CDKL5: variants seen among roughly 807,000 people sequenced by gnomAD.
The protein encoded by CDKL5 is cyclin dependent kinase like 5.
In CDKL5, 8 loss-of-function variants were observed where a neutral mutation model predicts 61.7. The ratio of observed to expected loss-of-function variants is 0.13; its 90% confidence interval spans 0.08 to 0.23. The LOEUF (loss-of-function observed/expected upper bound fraction) is 0.23, where lower values mean the gene tolerates loss of function less well. Among genes scored for constraint, CDKL5 ranks in the 10% least tolerant of loss-of-function variants. The probability of loss-of-function intolerance (pLI) is 1.00; values close to 1 mark genes in which losing one functional copy is unlikely to be tolerated. For synonymous variants in CDKL5, 275 were observed against 272.3 expected (o/e 1.01, Z -0.10); for missense variants, 440 against 734.5 (o/e 0.60, Z 4.63).
rs147819758 is a variant in CDKL5 at position 18,608,991 on chromosome X, G to A, written c.2046+79G>A. 9.4e-3 allele frequency: 6,297 copies of A among 672,225 alleles called. 93 individuals are homozygous for A. The highest frequency in any genetic ancestry group is 0.061 in the African/African-American group (2,846 of 47,038). The allele number at this position is 672,225 out of a possible 1,213,427, so 55.4% of individuals were successfully genotyped here. A position where few individuals can be genotyped will look rare whatever the true frequency, so the allele number is the denominator to read the frequency against. ...AGCTTTTAAAATGTATTAATACCCA[G>A]TCTCCCACAAATAAGTTGAAGTGGC... On this transcript the variant is annotated intron_variant, in intron 13 of 17. Coordinates refer to ENST00000623535, the MANE Select transcript of CDKL5 (RefSeq NM_001323289.2).
At chrX:18,606,275 T>A (rs1224098880) in intron 12 of CDKL5, among the ~76,000 whole-genome samples, 1 of 111,223 alleles carries the variant, frequency 9.0e-6, no homozygotes, top group Non-Finnish European at 1.9e-5. Context: ...GAACTGAGAA[T>A]AGAGAGAGGT....
At chrX:18,574,317 T>C (rs935731990) in intron 4 of CDKL5, among the ~76,000 whole-genome samples, 17 of 111,710 alleles carry the variant, frequency 1.5e-4, no homozygotes, top group African/African-American at 5.5e-4. Context: ...AAAGACTTTA[T>C]GTAGTCTCCT....
intron 1 of CDKL5, among the ~76,000 whole-genome samples, chrX:18,428,020 C>T (rs1182801198): frequency 8.9e-6 from 1 of 111,833 alleles, no homozygotes; most frequent in East Asian, 2.8e-4. Context: ...AGAAGGTTGA[C>T]TGATTGCGAA....
At chrX:18,546,258 CTTTT>C (rs935420091) in intron 3 of CDKL5, among the ~76,000 whole-genome samples, 1 of 90,519 alleles carries the variant, frequency 1.1e-5, no homozygotes. Flanking sequence ...TCTACTTCTT[CTTTT>C]TTTTTTTTTT....
At position 18,427,637 on chromosome X, in the gene CDKL5, A is replaced by G. The variant is rs574888001; in HGVS notation, c.-163+1942A>G. On this transcript the variant is annotated intron_variant, in intron 1 of 17. Transcript: ENST00000623535. ...AGCGATTAATTTGCTAGATGTATAT[A>G]TATCAAACAGTTGAGTATTCCAGTT... Among the ~76,000 whole-genome samples the G allele has an allele frequency of 6.3e-5, 7 of 111,629 alleles. No homozygotes were observed. The Middle Eastern group carries it at 0.014, about 221-fold the overall frequency.
intron 5 of CDKL5, among the ~76,000 whole-genome samples, chrX:18,575,784 G>T (rs1291759438): frequency 8.9e-6 from 1 of 112,137 alleles, no homozygotes; most frequent in East Asian, 2.8e-4. Flanking sequence ...ACTTAACTAA[G>T]CCTAAACTGA....
chrX:18,649,793 G>A (rs1354929467), intron 20 of CDKL5, among the ~76,000 whole-genome samples: 1 of 111,956 alleles, frequency 8.9e-6, no homozygotes, highest in Non-Finnish European at 1.9e-5. Context: ...CTGCGGACTC[G>A]AGGGCTCCTC....
At chrX:18,453,870 G>C (rs780526045) in intron 1 of CDKL5, among the ~76,000 whole-genome samples, 1 of 112,266 alleles carries the variant, frequency 8.9e-6, no homozygotes, top group East Asian at 2.8e-4. Context: ...ACTCTGCAGT[G>C]ATTTATTGAG....
At chrX:18,650,189 G>A in intron 20 of CDKL5, 1 of 465,173 alleles carries the variant, frequency 2.1e-6, no homozygotes, top group Non-Finnish European at 3.8e-6. Flanking sequence ...ACCTGGCCAG[G>A]GCCAATGGCC....
intron 1 of CDKL5, among the ~76,000 whole-genome samples, chrX:18,475,357 C>T (rs1329700953): frequency 9.0e-6 from 1 of 110,909 alleles, no homozygotes; most frequent in East Asian, 2.8e-4. Context: ...TGTAGTGGCA[C>T]AATCACGGCT....
intron 8 of CDKL5, among the ~76,000 whole-genome samples, chrX:18,586,575 T>G (rs979384887): frequency 8.9e-6 from 1 of 112,124 alleles, no homozygotes; most frequent in African/African-American, 3.2e-5. Flanking sequence ...AGTGCTGAAA[T>G]GAATATTGCT....
At chrX:18,451,712 A>C (rs1231261267) in intron 1 of CDKL5, among the ~76,000 whole-genome samples, 2 of 108,495 alleles carry the variant, frequency 1.8e-5, no homozygotes, top group African/African-American at 6.7e-5. Context: ...TAATTTTTGT[A>C]ATTTTTGGTA....
At chrX:18,571,394 T>G (rs1925131248) in intron 4 of CDKL5, among the ~76,000 whole-genome samples, 1 of 111,110 alleles carries the variant, frequency 9.0e-6, no homozygotes, top group South Asian at 3.8e-4. Flanking sequence ...AGTTATCCTT[T>G]CTAGACTTGA....
intron 20 of CDKL5, chrX:18,646,105 C>T: frequency 8.3e-7 from 1 of 1,211,721 alleles, no homozygotes; most frequent in South Asian, 1.8e-5. Context: ...AGTCTGGGCC[C>T]CGCATGCCAT....
intron 3 of CDKL5, among the ~76,000 whole-genome samples, chrX:18,518,309 T>A (rs1453410811): frequency 1.8e-4 from 18 of 99,844 alleles, no homozygotes; most frequent in Non-Finnish European, 3.2e-4. Context: ...CAAAAAAAAA[T>A]AAGATGTAAT....
chrX:18,444,455 T>C (rs1931826962), intron 1 of CDKL5, among the ~76,000 whole-genome samples: 1 of 111,225 alleles, frequency 9.0e-6, no homozygotes, highest in African/African-American at 3.3e-5. Context: ...TTTATACAAA[T>C]ATACAAATAT....
chrX:18,474,156 G>A (rs1305097056), intron 1 of CDKL5, among the ~76,000 whole-genome samples: 1 of 111,233 alleles, frequency 9.0e-6, no homozygotes. Flanking sequence ...CTGAGCCACC[G>A]TGCCTGGCCC....
At chrX:18,644,689 G>A (rs1927711943), downstream of CDKL5, 4 of 1,115,204 alleles carry the variant, frequency 3.6e-6, no homozygotes, top group Non-Finnish European at 4.9e-6. Flanking sequence ...AAGCCCGCAG[G>A]TGCTGGCTCT....
Position 18,613,258 on chromosome X carries a change from A to G in CDKL5, c.2259A>G (p.Gln753=). 1 of 1,201,892 alleles carries G rather than the reference A, an allele frequency of 8.3e-7. No individual in the cohort carries two copies. The highest frequency in any genetic ancestry group is 1.1e-6 in the Non-Finnish European group (1 of 889,158). The change falls in exon 15 of 18, where the codon CAA becomes CAG. Residue 753 remains glutamine (Q), a synonymous_variant. Transcript: ENST00000623535. ...SSSGTNHSKR[Q]PAFDPWKSPE... ...CTGGAACCAACCACTCAAAAAGACA[A>G]CCAGCATTCGATCCATGGTGAGCAT...
Sources: gnomAD v4.1 joint callset for allele counts (sites outside exome capture counted in the v4.1 genomes callset) on GRCh38, gnomAD v4.1.1 for gene constraint, MANE v1.5 for transcripts, NCBI Gene and HGNC (gene_info 2026-07-23, HGNC 2026-07-21) for gene names.